PCDHB15: variants seen among roughly 807,000 people sequenced by gnomAD.
The protein encoded by PCDHB15 is protocadherin beta-15.
For missense variants in PCDHB15, 1,032 were observed against 991.7 expected, an observed-to-expected ratio of 1.04 and a Z score of -0.55; for synonymous variants, 492 against 447.9, an observed-to-expected ratio of 1.10 and a Z score of -1.24.
At position 141,247,766 on chromosome 5, in the gene PCDHB15, G is replaced by T. The variant is rs1456809112; in HGVS notation, c.2188G>T (p.Gly730Cys). The change falls in exon 1 of 1, where the codon GGC (glycine) becomes TGC (cysteine). Residue 730 changes from glycine (G) to cysteine (C), a missense_variant. Transcript: ENST00000231173. ...ASVGRCSVPEGPFPGHLVDVS... is the reference protein window; with the variant it reads ...ASVGRCSVPECPFPGHLVDVS... ...AGTGGGTCGCTGCTCGGTGCCCGAG[G>T]GCCCCTTTCCAGGGCATCTGGTGGA... 3.1e-6 allele frequency: 5 copies of T among 1,614,068 alleles called. No individual in the cohort carries two copies. Among genetic ancestry groups the T allele is most frequent in the Admixed American group, 3.3e-5 (2 of 60,016 alleles).
chr5:141,246,256 C>A lies in PCDHB15; in HGVS notation c.678C>A (p.Val226=), dbSNP rs782315136. 1 of 1,614,142 alleles carries A rather than the reference C, an allele frequency of 6.2e-7. No individual in the cohort carries two copies. The highest frequency in any genetic ancestry group is 8.5e-7 in the Non-Finnish European group (1 of 1,180,026). ...DGGSPPRSGT[V]QILILVLDAN... is the part of the protein sequence containing the mutation. The stretch of plus-strand genomic sequence containing the variant: ...GCTCTCCACCCCGATCTGGCACCGT[C>A]CAGATCCTCATCTTGGTCTTGGACG... Residue 226 remains valine, a synonymous_variant, in exon 1 of 1, where the codon GTC becomes GTA. Transcript: ENST00000231173.
In PCDHB15 at chr5:141,247,906, C is replaced by T. The variant is rs1554292357; in HGVS notation, c.2328C>T (p.Ser776=). Residue 776 remains serine (S), a synonymous_variant, in exon 1 of 1, where the codon AGC becomes AGT. Transcript: ENST00000231173. ...FLKPIFPNIV[S]QDSRRKSEFL... ...AGCCTATATTCCCAAATATTGTAAG[C>T]CAGGACTCTAGGAGGAAATCAGAAT... The T allele has an allele frequency of 3.1e-6, 5 of 1,612,202 alleles. No individual in the cohort carries two copies. In the Admixed American group the frequency reaches 6.7e-5, roughly 22 times the overall value.
Position 141,246,131 on chromosome 5 carries a change from C to T in PCDHB15, c.553C>T (p.Arg185Ter), listed in dbSNP as rs782332173. Reference protein sequence around the residue: ...NSHFHVSTRTRGDGRKYPELV... With the variant: ...NSHFHVSTRT ...TCATTTCCATGTTTCCACTCGCACC[C>T]GAGGGGATGGCAGGAAATACCCAGA... The change falls in exon 1 of 1, where the codon CGA becomes TGA. Residue 185 changes from arginine (R) to a stop codon, truncating the protein, a stop_gained. Transcript: ENST00000231173. LOFTEE classifies it low-confidence loss of function (END_TRUNC). 1.2e-6 allele frequency: 2 copies of T among 1,614,130 alleles called. No individual in the cohort carries two copies. Among genetic ancestry groups the T allele is most frequent in the Admixed American group, 3.3e-5 (2 of 60,018 alleles).
Position 141,248,040 on chromosome 5 carries a change from T to C in PCDHB15, c.*98T>C, listed in dbSNP as rs1755326083. ...CCTTTAGTAATCTTGAATTCTACTTTTTTTTAAATTTCTACTGTTGTCTTT... is the reference window on the plus strand; with the variant it reads ...CCTTTAGTAATCTTGAATTCTACTTCTTTTTAAATTTCTACTGTTGTCTTT... On this transcript the variant is annotated 3_prime_UTR_variant, in exon 1 of 1. Coordinates refer to ENST00000231173, the MANE Select transcript of PCDHB15 (RefSeq NM_018935.4). 1 of 1,219,878 alleles carries C rather than the reference T, an allele frequency of 8.2e-7. No individual in the cohort carries two copies. The highest frequency in any genetic ancestry group is 1.5e-5 in the African/African-American group (1 of 65,248). 75.6% of individuals were successfully genotyped at this position (1,219,878 alleles called of 1,614,324 possible).
At position 141,249,286 on chromosome 5, in the gene PCDHB15, G is replaced by A. The variant is rs1220209148; in HGVS notation, c.*1344G>A. On this transcript the variant is annotated 3_prime_UTR_variant, in exon 1 of 1. Coordinates refer to ENST00000231173, the MANE Select transcript of PCDHB15 (RefSeq NM_018935.4). ...TCCAGCCTGCCCCTCCTAACTGCCT[G>A]CTGTACAGATTTTGGACTTGTCCAG... 6.6e-6 allele frequency: 1 copy of A among 152,204 alleles called. No individual in the cohort carries two copies. The highest frequency in any genetic ancestry group is 1.5e-5 in the Non-Finnish European group (1 of 68,048). The allele number at this position is 152,204 out of a possible 1,614,324, so 9.4% of individuals were successfully genotyped here. A position where few individuals can be genotyped will look rare whatever the true frequency, so the allele number is the denominator to read the frequency against.
At position 141,248,056 on chromosome 5, in the gene PCDHB15, T is replaced by A; in HGVS notation, c.*114T>A. ...ATTCTACTTTTTTTTAAATTTCTAC[T>A]GTTGTCTTTAGTAATGTTACTCATT... On this transcript the variant is annotated 3_prime_UTR_variant, in exon 1 of 1. Transcript: ENST00000231173. 9.7e-7 allele frequency: 1 copy of A among 1,029,810 alleles called. No homozygotes were observed. The highest frequency in any genetic ancestry group is 1.4e-6 in the Non-Finnish European group (1 of 729,680). The allele number at this position is 1,029,810 out of a possible 1,614,324, so 63.8% of individuals were successfully genotyped here. A position where few individuals can be genotyped will look rare whatever the true frequency, so the allele number is the denominator to read the frequency against.
rs781908058 is a variant in PCDHB15, at chr5:141,246,003, TCC to T, written c.427_428del (p.Pro143ArgfsTer3). ...CCTGAAAGAGAAATGACCCTGAAAA[TCC>T]CAGAAACTAGCTCCCTTGGGACTGT... On this transcript the variant is annotated frameshift_variant, in exon 1 of 1. Transcript: ENST00000231173. LOFTEE classifies it low-confidence loss of function (END_TRUNC). 1.9e-6 allele frequency: 3 copies of T among 1,613,854 alleles called. No individual in the cohort carries two copies. In the African/African-American group the frequency reaches 4.0e-5, roughly 22 times the overall value.
At position 141,245,448 on chromosome 5, in the gene PCDHB15, T is replaced by G; in HGVS notation, c.-131T>G. The G allele has an allele frequency of 8.0e-6, 6 of 747,846 alleles. No homozygotes were observed. Among genetic ancestry groups the G allele is most frequent in the Non-Finnish European group, 1.3e-5 (6 of 465,316 alleles). The allele number at this position is 747,846 out of a possible 1,614,324, so 46.3% of individuals were successfully genotyped here. On this transcript the variant is annotated 5_prime_UTR_variant, in exon 1 of 1. Transcript: ENST00000231173. ...TGTTAGCAGAGCACGGACCAGTGTC[T>G]CCGGAGAATGCTATTCTCCTACATT...
chr5:141,246,243 G>A lies in PCDHB15; in HGVS notation c.665G>A (p.Arg222Gln), dbSNP rs551118643. 3.1e-6 allele frequency: 5 copies of A among 1,614,124 alleles called. No homozygotes were observed. The highest frequency in any genetic ancestry group is 1.7e-5 in the Admixed American group (1 of 60,024). The change falls in exon 1 of 1, where the codon CGA becomes CAA. Residue 222 changes from arginine to glutamine, a missense_variant. By Grantham distance (43) the Arg-to-Gln change is conservative (BLOSUM62 1). Coordinates refer to ENST00000231173, the MANE Select transcript of PCDHB15 (RefSeq NM_018935.4). ...GCGGTGGACGGTGGCTCTCCACCCC[G>A]ATCTGGCACCGTCCAGATCCTCATC... The part of the protein sequence containing the change: ...LTAVDGGSPP[R>Q]SGTVQILILV...
Position 141,245,829 on chromosome 5 carries a change from T to A in PCDHB15, c.251T>A (p.Leu84Ter). The change falls in exon 1 of 1, where the codon TTG becomes TAG. Residue 84 changes from leucine to a stop codon, truncating the protein, a stop_gained. Transcript: ENST00000231173. LOFTEE classifies it low-confidence loss of function (END_TRUNC). Reference protein sequence around the residue: ...GLQLDLQTGQLILNEKLDREK... With the variant: ...GLQLDLQTGQ ...CAGCTTGATCTGCAGACCGGGCAGT[T>A]GATATTAAATGAGAAGCTGGACCGG... The A allele has an allele frequency of 1.9e-6, 3 of 1,614,080 alleles. No homozygotes were observed. Among genetic ancestry groups the A allele is most frequent in the Non-Finnish European group, 2.5e-6 (3 of 1,179,948 alleles).
In PCDHB15 at chr5:141,247,883, C is replaced by T. The variant is rs527453071; in HGVS notation, c.2305C>T (p.Pro769Ser). ...SESNDFKFLK[P>S]IFPNIVSQDS... ...AAGTAATGATTTCAAGTTCTTGAAG[C>T]CTATATTCCCAAATATTGTAAGCCA... Residue 769 changes from proline (P) to serine (S), a missense_variant, in exon 1 of 1, where the codon CCT becomes TCT. Transcript: ENST00000231173. 2 of 1,614,004 alleles carry T rather than the reference C, an allele frequency of 1.2e-6. No homozygotes were observed. Among genetic ancestry groups the T allele is most frequent in the African/African-American group, 2.7e-5 (2 of 74,920 alleles).
rs150110192 is a variant in PCDHB15, at chr5:141,247,593, C to A, written c.2015C>A (p.Pro672Gln). ...GACGGCTTCTCTCAGCCCTACCTGC[C>A]GCTCCCAGAGGCGGCCCCGGCCCAA... ...LVDGFSQPYL[P>Q]LPEAAPAQAQ... Residue 672 changes from proline to glutamine, a missense_variant, in exon 1 of 1, where the codon CCG becomes CAG. Transcript: ENST00000231173. 3.8e-4 allele frequency: 619 copies of A among 1,610,186 alleles called. 4 individuals are homozygous for A. In the African/African-American group the frequency reaches 7.5e-3, roughly 19 times the overall value.
rs1478212939 is a variant in PCDHB15, at chr5:141,249,212, G to A, written c.*1270G>A. On this transcript the variant is annotated 3_prime_UTR_variant, in exon 1 of 1. Coordinates refer to ENST00000231173, the MANE Select transcript of PCDHB15 (RefSeq NM_018935.4). Reference sequence around the variant, plus strand: ...AGCAGAGTTGAGTCTTCCGTGAGATGAAAATAAATTTTGTTTAAGGACAGC... The same window carrying A: ...AGCAGAGTTGAGTCTTCCGTGAGATAAAAATAAATTTTGTTTAAGGACAGC... The A allele has an allele frequency of 6.6e-6, 1 of 152,240 alleles. No individual in the cohort carries two copies. 9.4% of individuals were successfully genotyped at this position (152,240 alleles called of 1,614,324 possible).
At position 141,246,973 on chromosome 5, in the gene PCDHB15, C is replaced by T. The variant is rs782712313; in HGVS notation, c.1395C>T (p.Ser465=). 1.2e-6 allele frequency: 2 copies of T among 1,613,366 alleles called. No homozygotes were observed. Among genetic ancestry groups the T allele is most frequent in the African/African-American group, 2.7e-5 (2 of 75,010 alleles). ...SYTLFVRENN[S]PALHIGSVSA... Reference sequence around the variant, plus strand: ...CCCTGTTCGTCCGCGAGAACAACAGCCCCGCCCTGCACATCGGCAGTGTCA... The same window carrying T: ...CCCTGTTCGTCCGCGAGAACAACAGTCCCGCCCTGCACATCGGCAGTGTCA... Residue 465 remains serine (S), a synonymous_variant, in exon 1 of 1, where the codon AGC becomes AGT. Coordinates refer to ENST00000231173, the MANE Select transcript of PCDHB15 (RefSeq NM_018935.4).
rs782761108 is a variant in PCDHB15 at position 141,247,990 on chromosome 5, A to G, written c.*48A>G. The G allele has an allele frequency of 1.7e-5, 25 of 1,505,578 alleles. No individual in the cohort carries two copies. The highest frequency in any genetic ancestry group is 2.2e-5 in the Non-Finnish European group (25 of 1,125,884). The allele number at this position is 1,505,578 out of a possible 1,614,324, so 93.3% of individuals were successfully genotyped here. ...ACCGTCTGTTAATTTTGTCTTCCTCACTTTTCACCTTAGTTTTTTTTAACC... is the reference window on the plus strand; with the variant it reads ...ACCGTCTGTTAATTTTGTCTTCCTCGCTTTTCACCTTAGTTTTTTTTAACC... On this transcript the variant is annotated 3_prime_UTR_variant, in exon 1 of 1. Transcript: ENST00000231173.
At position 141,248,058 on chromosome 5, in the gene PCDHB15, T is replaced by C; in HGVS notation, c.*116T>C. 1 of 971,004 alleles carries C rather than the reference T, an allele frequency of 1.0e-6. No individual in the cohort carries two copies. The allele number at this position is 971,004 out of a possible 1,614,324, so 60.1% of individuals were successfully genotyped here. On this transcript the variant is annotated 3_prime_UTR_variant, in exon 1 of 1. Coordinates refer to ENST00000231173, the MANE Select transcript of PCDHB15 (RefSeq NM_018935.4). ...TCTACTTTTTTTTAAATTTCTACTGTTGTCTTTAGTAATGTTACTCATTTC... is the reference window on the plus strand; with the variant it reads ...TCTACTTTTTTTTAAATTTCTACTGCTGTCTTTAGTAATGTTACTCATTTC...
Position 141,246,525 on chromosome 5 carries a change from A to G in PCDHB15, c.947A>G (p.Asp316Gly), listed in dbSNP as rs1554291941. ...KLDFETMSSYDLDIEASDGGG... is the reference protein window; with the variant it reads ...KLDFETMSSYGLDIEASDGGG... Reference sequence around the variant, plus strand: ...GATTTTGAGACAATGTCTTCGTATGATCTAGATATAGAGGCATCTGATGGC... The same window carrying G: ...GATTTTGAGACAATGTCTTCGTATGGTCTAGATATAGAGGCATCTGATGGC... Residue 316 changes from aspartate to glycine, a missense_variant, in exon 1 of 1, where the codon GAT becomes GGT. Transcript: ENST00000231173. The G allele has an allele frequency of 9.3e-6, 15 of 1,614,188 alleles. No individual in the cohort carries two copies. The highest frequency in any genetic ancestry group is 1.2e-5 in the Non-Finnish European group (14 of 1,180,008).
chr5:141,246,959 C>G lies in PCDHB15; in HGVS notation c.1381C>G (p.Arg461Gly). The change falls in exon 1 of 1, where the codon CGC becomes GGC. Residue 461 changes from arginine to glycine, a missense_variant. Physicochemically the swap from Arg to Gly is moderately radical, Grantham distance 125 (BLOSUM62 -2). Transcript: ENST00000231173. ...CCAAACCTCCTACACCCTGTTCGTC[C>G]GCGAGAACAACAGCCCCGCCCTGCA... ...FTQTSYTLFV[R>G]ENNSPALHIG... The G allele has an allele frequency of 6.2e-7, 1 of 1,613,366 alleles. No individual in the cohort carries two copies. The highest frequency in any genetic ancestry group is 8.5e-7 in the Non-Finnish European group (1 of 1,180,022).
Position 141,247,749 on chromosome 5 carries a change from G to A in PCDHB15, c.2171G>A (p.Arg724His), listed in dbSNP as rs2149696353. The change falls in exon 1 of 1, where the codon CGC becomes CAC. Residue 724 changes from arginine to histidine, a missense_variant. Transcript: ENST00000231173. ...AGGAGCAGGGCGGCCTCAGTGGGTC[G>A]CTGCTCGGTGCCCGAGGGCCCCTTT... Reference protein sequence around the residue: ...CRRSRAASVGRCSVPEGPFPG... With the variant: ...CRRSRAASVGHCSVPEGPFPG... 6.2e-7 allele frequency: 1 copy of A among 1,614,076 alleles called. No homozygotes were observed. Among genetic ancestry groups the A allele is most frequent in the Middle Eastern group, 1.7e-4 (1 of 6,030 alleles).
Sources: allele counts gnomAD v4.1 joint callset, GRCh38; gene constraint gnomAD v4.1.1; transcripts MANE v1.5; gene names NCBI Gene and HGNC (gene_info 2026-07-23, HGNC 2026-07-21).